Variants in NRG3 observed in about 807,000 individuals in gnomAD.
The protein encoded by NRG3 is pro-neuregulin-3, membrane-bound isoform.
A neutral mutation model predicts 66.9 loss-of-function variants in NRG3; 31 were observed. That is an observed-to-expected ratio of 0.46 (90% CI 0.35 to 0.63). NRG3 has a LOEUF of 0.63. NRG3 is among the 20% of genes least tolerant of loss of function. The pLI is 0.00. For synonymous variants in NRG3, 393 were observed against 359.4 expected (o/e 1.09, Z -1.06); for missense variants, 910 against 878.9 (o/e 1.04, Z -0.45).
At chr10:82,243,863 A>C (rs1438044131) in intron 1 of NRG3, among the ~76,000 whole-genome samples, 1 of 152,170 alleles carries the variant, frequency 6.6e-6, no homozygotes, top group East Asian at 1.9e-4. Context: ...AAAGGAGAGA[A>C]ATTGCTACGC....
At chr10:82,846,946 G>T (rs554521304) in intron 3 of NRG3, among the ~76,000 whole-genome samples, 27 of 152,274 alleles carry the variant, frequency 1.8e-4, no homozygotes, top group African/African-American at 5.8e-4. Flanking sequence ...TTAAACCATG[G>T]TTTGAGTAAA....
intron 2 of NRG3, among the ~76,000 whole-genome samples, chr10:82,555,090 G>A (rs998327697): frequency 2.6e-5 from 4 of 152,126 alleles, no homozygotes; most frequent in Non-Finnish European, 5.9e-5. Flanking sequence ...CATATGGCCA[G>A]TCCATATTTA....
intron 1 of NRG3, among the ~76,000 whole-genome samples, chr10:82,112,323 C>T (rs2067434538): frequency 6.6e-6 from 1 of 152,038 alleles, no homozygotes; most frequent in Admixed American, 6.6e-5. Context: ...TGAGAAGAAA[C>T]CTGGTAGACC....
At chr10:82,753,958 A>C (rs2134976119) in intron 3 of NRG3, among the ~76,000 whole-genome samples, 1 of 152,034 alleles carries the variant, frequency 6.6e-6, no homozygotes, top group African/African-American at 2.4e-5. Context: ...AAAAAAAAAA[A>C]AAAGTTCCTT....
chr10:82,233,674 TCTC>T (rs1303880854), intron 1 of NRG3, among the ~76,000 whole-genome samples: 1 of 152,004 alleles, frequency 6.6e-6, no homozygotes, highest in African/African-American at 2.4e-5. Flanking sequence ...ACCTCTTGGT[TCTC>T]CTCCCCACTC....
intron 1 of NRG3, among the ~76,000 whole-genome samples, chr10:82,348,846 C>G (rs1258370792): frequency 4.0e-5 from 6 of 151,192 alleles, no homozygotes; most frequent in South Asian, 4.2e-4. Context: ...ACCCTTTCTT[C>G]CAGTTGATTG....
rs1554911189 is a variant in NRG3 at position 82,408,085 on chromosome 10, C to CAGAAAGAAAGAAAAGAA, written c.953+49230_953+49231insAGAAAGAAAGAAAGAAA. The stretch of plus-strand genomic sequence containing the variant: ...AGAGAGAGAGAGAGAGAGAGAGAGA[C>CAGAAAGAAAGAAAAGAA]AGAAAGAAAGAAAGAAAGAAAGAAA... On this transcript the variant is annotated intron_variant, in intron 2 of 8. Coordinates refer to ENST00000372141, the MANE Select transcript of NRG3 (RefSeq NM_001010848.4). 2.9e-3 allele frequency among the ~76,000 whole-genome samples: 217 copies of CAGAAAGAAAGAAAAGAA among 74,860 alleles called. 3 individuals carry two copies. Among genetic ancestry groups the CAGAAAGAAAGAAAAGAA allele is most frequent in the African/African-American group, 0.01 (171 of 16,338 alleles). The allele number at this position is 74,860 out of a possible 152,430, so 49.1% of individuals were successfully genotyped here. A position where few individuals can be genotyped will look rare whatever the true frequency, so the allele number is the denominator to read the frequency against.
At chr10:82,797,683 A>T (rs2060857035) in intron 3 of NRG3, among the ~76,000 whole-genome samples, 1 of 151,974 alleles carries the variant, frequency 6.6e-6, no homozygotes. Context: ...ACCACTCTCT[A>T]CTTGCAATAA....
intron 1 of NRG3, among the ~76,000 whole-genome samples, chr10:82,104,466 A>G (rs1017454150): frequency 1.3e-5 from 2 of 152,192 alleles, no homozygotes; most frequent in Non-Finnish European, 2.9e-5. Flanking sequence ...CAGGGAGACA[A>G]TATTTGTAAA....
chr10:82,904,180 C>A (rs1317955814), intron 4 of NRG3, among the ~76,000 whole-genome samples: 2 of 152,114 alleles, frequency 1.3e-5, no homozygotes, highest in Non-Finnish European at 1.5e-5. Flanking sequence ...AATTCATAAA[C>A]TTTCTTAAAA....
chr10:82,396,858 A>G (rs1246566404), intron 2 of NRG3, among the ~76,000 whole-genome samples: 2 of 152,230 alleles, frequency 1.3e-5, no homozygotes, highest in Non-Finnish European at 2.9e-5. Context: ...TTTTTCCTAT[A>G]AAGGTAATAG....
chr10:82,025,977 A>C (rs1001966064), intron 1 of NRG3, among the ~76,000 whole-genome samples: 9 of 152,066 alleles, frequency 5.9e-5, no homozygotes, highest in African/African-American at 1.9e-4. Context: ...CTGAGCAAAC[A>C]AGCATATACA....
At chr10:82,639,591 A>G (rs1300205250) in intron 2 of NRG3, among the ~76,000 whole-genome samples, 3 of 152,254 alleles carry the variant, frequency 2.0e-5, no homozygotes, top group East Asian at 3.9e-4. Flanking sequence ...TTCTTTTCTA[A>G]TTTTCATTGA....
chr10:82,980,272 G>GA (rs1216165405), intron 8 of NRG3, among the ~76,000 whole-genome samples: 3 of 152,086 alleles, frequency 2.0e-5, no homozygotes, highest in Non-Finnish European at 4.4e-5. Flanking sequence ...TTGTTGGGCA[G>GA]ATTTTTAAAA....
chr10:82,129,370 T>C (rs920423814), intron 1 of NRG3, among the ~76,000 whole-genome samples: 6 of 152,188 alleles, frequency 3.9e-5, no homozygotes, highest in Non-Finnish European at 8.8e-5. Flanking sequence ...TTAGAACTCC[T>C]TTCATTCTGG....
intron 1 of NRG3, among the ~76,000 whole-genome samples, chr10:82,145,244 A>G (rs972702221): frequency 1.3e-5 from 2 of 152,202 alleles, no homozygotes; most frequent in Non-Finnish European, 2.9e-5. Context: ...ATGAAATGCC[A>G]TTTCTGCTGA....
chr10:81,972,589 A>G lies in NRG3; in HGVS notation c.823+96426A>G, dbSNP rs543865337. ...GTGAATTGGAAAATAATTATTTAAAATAAAGTAATAGAAACTATCATGAAA... is the reference window on the plus strand; with the variant it reads ...GTGAATTGGAAAATAATTATTTAAAGTAAAGTAATAGAAACTATCATGAAA... On this transcript the variant is annotated intron_variant, in intron 1 of 8. Coordinates refer to ENST00000372141, the MANE Select transcript of NRG3 (RefSeq NM_001010848.4). 3.9e-5 allele frequency among the ~76,000 whole-genome samples: 6 copies of G among 152,340 alleles called. 1 individual carries two copies. The South Asian group carries it at 6.2e-4, about 16-fold the overall frequency.
At chr10:81,998,847 G>T (rs1022236530) in intron 1 of NRG3, among the ~76,000 whole-genome samples, 2 of 152,158 alleles carry the variant, frequency 1.3e-5, no homozygotes, top group Admixed American at 6.5e-5. Context: ...TTGTGTGTGT[G>T]TGTCTGTTGC....
chr10:82,230,696 A>G (rs2133879161), intron 1 of NRG3, among the ~76,000 whole-genome samples: 1 of 152,266 alleles, frequency 6.6e-6, no homozygotes, highest in Non-Finnish European at 1.5e-5. Context: ...GATAAGTAAA[A>G]ATATTTCTGA....
Sources: gnomAD v4.1 joint callset for allele counts (sites outside exome capture counted in the v4.1 genomes callset) on GRCh38, gnomAD v4.1.1 for gene constraint, MANE v1.5 for transcripts, NCBI Gene and HGNC (gene_info 2026-07-23, HGNC 2026-07-21) for gene names.